The following ERCC4 variants were observed in gnomAD, a reference collection of about 807,000 sequenced individuals.
ERCC4 encodes DNA repair endonuclease XPF.
In ERCC4, 65 loss-of-function variants were observed where a neutral mutation model predicts 76.9. That is an observed-to-expected ratio of 0.84 (90% CI 0.69 to 1.04). The LOEUF (loss-of-function observed/expected upper bound fraction) is 1.04, where lower values mean the gene tolerates loss of function less well. Ranked by LOEUF, ERCC4 falls within the 50% of genes least tolerant of loss-of-function variation. The probability of loss-of-function intolerance (pLI) is 0.00; values close to 1 mark genes in which losing one functional copy is unlikely to be tolerated. For synonymous variants in ERCC4, 463 were observed against 410.1 expected, an observed-to-expected ratio of 1.13 and a Z score of -1.56; for missense variants, 1,214 against 1,128.2, an observed-to-expected ratio of 1.08 and a Z score of -1.09.
At chr16:13,938,323 A>C (rs2032346050) in intron 9 of ERCC4, among the ~76,000 whole-genome samples, 1 of 152,188 alleles carries the variant, frequency 6.6e-6, no homozygotes, top group African/African-American at 2.4e-5. Context: ...CACTCTGGGA[A>C]AATATTTCTT....
At chr16:13,938,450 A>G (rs1470898733) in intron 9 of ERCC4, among the ~76,000 whole-genome samples, 1 of 152,220 alleles carries the variant, frequency 6.6e-6, no homozygotes, top group East Asian at 1.9e-4. Context: ...AAATGGTGAG[A>G]TGTTCACAAA....
intron 9 of ERCC4, chr16:13,943,896 C>G (rs1030418268): frequency 1.3e-5 from 2 of 152,206 alleles, no homozygotes; most frequent in African/African-American, 4.8e-5. Flanking sequence ...CTGGCTTACT[C>G]TTTCTGTGAT....
At chr16:13,930,399 TCC>T (rs2032149997) in intron 4 of ERCC4, among the ~76,000 whole-genome samples, 1 of 152,112 alleles carries the variant, frequency 6.6e-6, no homozygotes, top group South Asian at 2.1e-4. Flanking sequence ...AGGTCTTTTC[TCC>T]CCTGACAGTA....
chr16:13,930,655 A>T lies in ERCC4; in HGVS notation c.793-55A>T, dbSNP rs1383306439. ...TCCTTTTGAAAGTATGATTTGTATTAAGAATAACTATACTTAACATATTTT... is the reference window on the plus strand; with the variant it reads ...TCCTTTTGAAAGTATGATTTGTATTTAGAATAACTATACTTAACATATTTT... On this transcript the variant is annotated intron_variant, in intron 4 of 10. Transcript: ENST00000311895. 3.2e-6 allele frequency: 4 copies of T among 1,258,816 alleles called. No individual in the cohort carries two copies. In the African/African-American group the frequency reaches 4.4e-5, roughly 14 times the overall value. The allele number at this position is 1,258,816 out of a possible 1,614,324, so 78.0% of individuals were successfully genotyped here. A position where few individuals can be genotyped will look rare whatever the true frequency, so the allele number is the denominator to read the frequency against.
intron 4 of ERCC4, among the ~76,000 whole-genome samples, chr16:13,928,583 T>G (rs2032113903): frequency 1.3e-5 from 2 of 152,188 alleles, no homozygotes; most frequent in African/African-American, 4.8e-5. Context: ...TAATTGTACA[T>G]GAATTTATGA....
intron 1 of ERCC4, among the ~76,000 whole-genome samples, chr16:13,921,458 T>G (rs2031974556): frequency 6.6e-6 from 1 of 152,156 alleles, no homozygotes; most frequent in South Asian, 2.1e-4. Flanking sequence ...ACAGTCTCTT[T>G]GAGGGCAGGG....
Position 13,950,241 on chromosome 16 carries a change from G to C in ERCC4, c.*1894G>C, listed in dbSNP as rs192910261. On this transcript the variant is annotated 3_prime_UTR_variant, in exon 11 of 11. Transcript: ENST00000311895. ...CTCCCAAAGTGCTGAGATAACAGGC[G>C]TGAGCCACCGCACCCACCCAACAAA... The C allele has an allele frequency of 5.3e-6, 1 of 189,708 alleles. No homozygotes were observed. Among genetic ancestry groups the C allele is most frequent in the Non-Finnish European group, 1.1e-5 (1 of 90,278 alleles). 11.8% of individuals were successfully genotyped at this position (189,708 alleles called of 1,614,324 possible).
At position 13,935,567 on chromosome 16, in the gene ERCC4, AATCCTGAAAGAACCCCTC is replaced by A. The variant is rs900935674; in HGVS notation, c.1637_1654del (p.Ile546_Leu551del). ...ATTTGTCATCGGATGCTGCTTTCGG[AATCCTGAAAGAACCCCTC>A]ACTATCATCCATCCGCTTCTGGGTT... On this transcript the variant is annotated inframe_deletion, in exon 8 of 11. Transcript: ENST00000311895. The A allele has an allele frequency of 6.2e-7, 1 of 1,614,062 alleles. No individual in the cohort carries two copies. Among genetic ancestry groups the A allele is most frequent in the Non-Finnish European group, 8.5e-7 (1 of 1,180,028 alleles).
intron 4 of ERCC4, among the ~76,000 whole-genome samples, chr16:13,929,303 C>CA (rs2032127855): frequency 6.6e-6 from 1 of 152,010 alleles, no homozygotes; most frequent in African/African-American, 2.4e-5. Context: ...GATGATTTTA[C>CA]AAAAAAGGCA....
At position 13,948,009 on chromosome 16, in the gene ERCC4, TCTC is replaced by T. The variant is rs1567253994; in HGVS notation, c.2417_2419del (p.Pro806del). 1 of 1,614,030 alleles carries T rather than the reference TCTC, an allele frequency of 6.2e-7. No individual in the cohort carries two copies. The highest frequency in any genetic ancestry group is 8.5e-7 in the Non-Finnish European group (1 of 1,180,010). ...CAGACTACGGATTCTCTGGTGCCCC[TCTC>T]CTCATGCAACGGCGGAGTTGTTTGA... On this transcript the variant is annotated inframe_deletion, in exon 11 of 11. Coordinates refer to ENST00000311895, the MANE Select transcript of ERCC4 (RefSeq NM_005236.3).
rs1157091429 is a variant in ERCC4 at position 13,947,657 on chromosome 16, T to C, written c.2061T>C (p.Asp687=). The change falls in exon 11 of 11, where the codon GAT becomes GAC. Residue 687 remains aspartate (D), a synonymous_variant. Transcript: ENST00000311895. ...GTACACAGCAAAGCATAGTTGTGGA[T>C]ATGCGTGAATTTCGAAGTGAGCTTC... ...QNGTQQSIVV[D]MREFRSELPS... 2.5e-6 allele frequency: 4 copies of C among 1,614,218 alleles called. No individual in the cohort carries two copies. The Admixed American group carries it at 6.7e-5, about 27-fold the overall frequency.
intron 2 of ERCC4, among the ~76,000 whole-genome samples, chr16:13,923,092 T>G (rs1292623151): frequency 6.6e-6 from 1 of 152,236 alleles, no homozygotes; most frequent in Non-Finnish European, 1.5e-5. Flanking sequence ...TTATTTTAGC[T>G]AGAATTAAAT....
chr16:13,934,937 C>T, intron 7 of ERCC4: 1 of 528,094 alleles, frequency 1.9e-6, no homozygotes, highest in Non-Finnish European at 3.4e-6. Flanking sequence ...AGTCTGGCTT[C>T]AACTTTACTG....
intron 3 of ERCC4, 24 bp downstream of exon 3, chr16:13,926,780 AATG>A (rs761297555): frequency 3.9e-6 from 6 of 1,545,386 alleles, no homozygotes; most frequent in South Asian, 1.1e-5. Flanking sequence ...TGTGACAAAT[AATG>A]ATGACATTAT....
At chr16:13,932,118 T>A (rs1046362859) in intron 5 of ERCC4, 39 bp from the exon 6 acceptor site, 1 of 1,588,032 alleles carries the variant, frequency 6.3e-7, no homozygotes, top group Admixed American at 1.7e-5. Context: ...AAATTAACCA[T>A]AAATTGATGG....
chr16:13,932,386 G>A (rs1040257993), intron 6 of ERCC4, 101 bp downstream of exon 6: 8 of 1,082,962 alleles, frequency 7.4e-6, no homozygotes, highest in Admixed American at 3.8e-5. Context: ...TGTGAAAAGT[G>A]TGTTCCTTGA....
At chr16:13,940,196 G>C (rs2032385813) in intron 9 of ERCC4, among the ~76,000 whole-genome samples, 1 of 152,100 alleles carries the variant, frequency 6.6e-6, no homozygotes, top group Admixed American at 6.5e-5. Flanking sequence ...CGACCAGCCT[G>C]GCCAACATGG....
chr16:13,929,203 C>CA (rs2032126692), intron 4 of ERCC4, among the ~76,000 whole-genome samples: 1 of 152,162 alleles, frequency 6.6e-6, no homozygotes, highest in African/African-American at 2.4e-5. Context: ...CGGTTAGTAA[C>CA]AGTCACTTCA....
At chr16:13,925,770 TC>T (rs1312065521) in intron 2 of ERCC4, among the ~76,000 whole-genome samples, 3 of 152,206 alleles carry the variant, frequency 2.0e-5, no homozygotes, top group Admixed American at 2.0e-4. Context: ...AGAAAGCATG[TC>T]TGTATGCCTT....
Sources: allele counts gnomAD v4.1 joint callset (sites outside exome capture counted in the v4.1 genomes callset), GRCh38; gene constraint gnomAD v4.1.1; transcripts MANE v1.5; gene names NCBI Gene and HGNC (gene_info 2026-07-23, HGNC 2026-07-21).